TDRD10: variants seen among roughly 807,000 people sequenced by gnomAD.
The protein encoded by TDRD10 is tudor domain-containing protein 10.
Under a neutral mutation model 48.0 loss-of-function variants are expected in TDRD10, and 40 were observed. The observed-to-expected ratio is 0.83, with a 90% CI of 0.65 to 1.09. The LOEUF is 1.09. Among genes scored for constraint, TDRD10 ranks in the 50% least tolerant of loss-of-function variants. TDRD10 has a pLI of 0.00. For missense variants in TDRD10, 378 were observed against 434.7 expected, an observed-to-expected ratio of 0.87 and a Z score of 1.16; for synonymous variants, 162 against 170.4, an observed-to-expected ratio of 0.95 and a Z score of 0.38.
chr1:154,528,014 A>G (rs2149333825), intron 6 of TDRD10, among the ~76,000 whole-genome samples: 1 of 152,308 alleles, frequency 6.6e-6, no homozygotes, highest in African/African-American at 2.4e-5. Flanking sequence ...GTCCAGATAC[A>G]GAACATTTTA....
chr1:154,544,714 T>C (rs1695454155), intron 10 of TDRD10, 81 bp from the exon 11 acceptor site: 1 of 1,550,660 alleles, frequency 6.4e-7, no homozygotes. Flanking sequence ...ACCTCCACTT[T>C]CACATCCACT....
Position 154,544,365 on chromosome 1 carries a change from C to G in TDRD10, c.652-7C>G, listed in dbSNP as rs1159364423. On this transcript the variant is annotated splice_region_variant and splice_polypyrimidine_tract_variant and intron_variant, in intron 9 of 12. Transcript: ENST00000368482. The stretch of plus-strand genomic sequence containing the variant: ...GCAGTGGGGCCGTTGCGTTTTGCAC[C>G]CCACAGGCTCTGCACCAGAACATGC... 1 of 1,576,640 alleles carries G rather than the reference C, an allele frequency of 6.3e-7. No homozygotes were observed. Among genetic ancestry groups the G allele is most frequent in the Non-Finnish European group, 8.6e-7 (1 of 1,160,974 alleles).
At chr1:154,544,261 A>T in intron 9 of TDRD10, 111 bp from the exon 10 acceptor site, 1 of 1,541,492 alleles carries the variant, frequency 6.5e-7, no homozygotes. Context: ...CCCACCTCAT[A>T]CCTGATGGCC....
chr1:154,527,950 C>A (rs1188640316), intron 6 of TDRD10, among the ~76,000 whole-genome samples: 1 of 152,140 alleles, frequency 6.6e-6, no homozygotes, highest in Admixed American at 6.5e-5. Context: ...CAGTTTCTCC[C>A]CAGTGGTAAC....
chr1:154,513,673 GT>G (rs1279356514), intron 4 of TDRD10, among the ~76,000 whole-genome samples: 1 of 152,120 alleles, frequency 6.6e-6, no homozygotes, highest in Non-Finnish European at 1.5e-5. Context: ...GCATTTTAAA[GT>G]ATTCCTATAC....
intron 6 of TDRD10, among the ~76,000 whole-genome samples, chr1:154,539,425 C>T (rs1231095652): frequency 6.6e-6 from 1 of 152,192 alleles, no homozygotes; most frequent in Non-Finnish European, 1.5e-5. Flanking sequence ...GTCTCAGCCT[C>T]CCTAGTAGCT....
intron 3 of TDRD10, 59 bp from the exon 4 acceptor site, chr1:154,508,364 C>G (rs995816764): frequency 3.4e-6 from 4 of 1,176,004 alleles, no homozygotes; most frequent in South Asian, 2.4e-5. Context: ...TGTATTCTGA[C>G]TCCTCTGAAT....
intron 6 of TDRD10, among the ~76,000 whole-genome samples, chr1:154,533,341 G>C (rs1259392808): frequency 6.8e-6 from 1 of 147,470 alleles, no homozygotes; most frequent in Admixed American, 6.8e-5. Context: ...AGAAAGAGCA[G>C]GCTTTTGTTG....
Position 154,530,730 on chromosome 1 carries a change from T to TTA in TDRD10, c.369+9251_369+9252insTA, listed in dbSNP as rs773681475. ...TTGAATCTAGGTTTTCTCGGTCTAC[T>TTA]GTCTTTCTGTTGCTCAGACTGCATA... On this transcript the variant is annotated intron_variant, in intron 6 of 12. Coordinates refer to ENST00000368482, the MANE Select transcript of TDRD10 (RefSeq NM_182499.4). Among the ~76,000 whole-genome samples, 3 of 152,206 alleles carry TTA rather than the reference T, an allele frequency of 2.0e-5. No individual in the cohort carries two copies. The East Asian group carries it at 5.8e-4, about 29-fold the overall frequency.
chr1:154,538,550 C>CAAA (rs59257227), intron 6 of TDRD10, among the ~76,000 whole-genome samples: 896 of 57,296 alleles, frequency 0.016, 13 homozygotes, highest in African/African-American at 0.042. Context: ...AACTCTATCT[C>CAAA]AAAAAAAAAA....
intron 11 of TDRD10, among the ~76,000 whole-genome samples, chr1:154,546,285 G>T (rs563507847): frequency 7.6e-6 from 1 of 131,846 alleles, no homozygotes; most frequent in African/African-American, 2.9e-5. Flanking sequence ...TGTTGGTCAG[G>T]CTGGTCTCGA....
intron 8 of TDRD10, among the ~76,000 whole-genome samples, chr1:154,543,197 C>T (rs1695346040): frequency 6.6e-6 from 1 of 152,116 alleles, no homozygotes; most frequent in African/African-American, 2.4e-5. Flanking sequence ...ATCACTTGAA[C>T]CCAGGAGGCA....
chr1:154,532,743 A>G (rs1030308014), intron 6 of TDRD10, among the ~76,000 whole-genome samples: 1 of 152,188 alleles, frequency 6.6e-6, no homozygotes, highest in Non-Finnish European at 1.5e-5. Flanking sequence ...GATTTTGTAT[A>G]CACCTTGTGT....
intron 6 of TDRD10, among the ~76,000 whole-genome samples, chr1:154,527,522 A>G (rs941718356): frequency 2.6e-5 from 4 of 152,238 alleles, no homozygotes; most frequent in East Asian, 1.9e-4. Context: ...GGCAAAACTT[A>G]AAAACTTTTA....
At position 154,507,265 on chromosome 1, in the gene TDRD10, ACT is replaced by A. The variant is rs1330199911; in HGVS notation, c.32_33del (p.Ser11Ter). The part of the protein sequence containing the change: MSWNISHPQ[L>X]SDKLFGKNGV... ...GGTCCTGGAACATTAGTCACCCCCA[ACT>A]CTCTGATAAACTGTTTGGGAAGAAT... On this transcript the variant is annotated frameshift_variant, in exon 3 of 13. Coordinates refer to ENST00000368482, the MANE Select transcript of TDRD10 (RefSeq NM_182499.4). LOFTEE classifies it high-confidence loss of function. The A allele has an allele frequency of 3.1e-6, 5 of 1,613,794 alleles. No homozygotes were observed. The highest frequency in any genetic ancestry group is 1.3e-5 in the African/African-American group (1 of 74,836).
chr1:154,546,395 T>C (rs1049589550), intron 11 of TDRD10, among the ~76,000 whole-genome samples: 4 of 146,594 alleles, frequency 2.7e-5, no homozygotes, highest in African/African-American at 1.0e-4. Context: ...ATATAAAATA[T>C]ATGTATAATG....
intron 6 of TDRD10, among the ~76,000 whole-genome samples, chr1:154,525,454 C>G (rs4845641): frequency 0.79 from 119,458 of 152,066 alleles, 47,644 homozygotes; most frequent in East Asian, 0.92. Flanking sequence ...GAGGAAAATA[C>G]TACCCCTGAA....
intron 6 of TDRD10, 134 bp downstream of exon 6, chr1:154,521,613 G>C: frequency 9.9e-7 from 1 of 1,014,544 alleles, no homozygotes; most frequent in South Asian, 1.7e-5. Flanking sequence ...CTCGGGTGAA[G>C]TCAGGGAACT....
Position 154,544,939 on chromosome 1 carries a change from G to T in TDRD10, c.942G>T (p.Met314Ile), listed in dbSNP as rs1436573298. The T allele has an allele frequency of 1.2e-6, 2 of 1,614,094 alleles. No individual in the cohort carries two copies. The highest frequency in any genetic ancestry group is 3.3e-5 in the Admixed American group (2 of 60,016). Residue 314 changes from methionine (M) to isoleucine (I), a missense_variant, in exon 11 of 13, where the codon ATG (methionine) becomes ATT (isoleucine). Coordinates refer to ENST00000368482, the MANE Select transcript of TDRD10 (RefSeq NM_182499.4). ...TCCCACCCCTGACTCAGCCATTCAT[G>T]CTGGAGAAAGGTGAGACATCTTCTA... is the stretch of plus-strand genomic sequence containing the variant. ...WTIPPLTQPFMLEKDILSSYE... is the reference protein window; with the variant it reads ...WTIPPLTQPFILEKDILSSYE...
Sources: gnomAD v4.1 joint callset for allele counts (sites outside exome capture counted in the v4.1 genomes callset) on GRCh38, gnomAD v4.1.1 for gene constraint, MANE v1.5 for transcripts, NCBI Gene and HGNC (gene_info 2026-07-23, HGNC 2026-07-21) for gene names.